The following BICRAL variants were observed in gnomAD, a reference collection of about 807,000 sequenced individuals.
The protein encoded by BICRAL is BRD4-interacting chromatin-remodeling complex-associated protein-like.
BICRAL carries 8 observed loss-of-function variants against 91.8 expected under a neutral mutation model. That is an observed-to-expected ratio of 0.09 (90% CI 0.05 to 0.16). The LOEUF (loss-of-function observed/expected upper bound fraction) is 0.16, where lower values mean the gene tolerates loss of function less well. BICRAL is among the 10% of genes least tolerant of loss of function. The pLI is 1.00. For missense variants in BICRAL, 1,038 were observed against 1,310.9 expected (o/e 0.79, Z 3.21); for synonymous variants, 445 against 491.1 (o/e 0.91, Z 1.24).
chr6:42,780,793 A>G (rs970350066), upstream of BICRAL, among the ~76,000 whole-genome samples: 6 of 152,030 alleles, frequency 3.9e-5, no homozygotes, highest in African/African-American at 7.3e-5. Flanking sequence ...GCTAGAGTGC[A>G]ATGCGCGATC....
intron 1 of BICRAL, among the ~76,000 whole-genome samples, chr6:42,760,907 A>C (rs942221692): frequency 1.3e-5 from 2 of 152,142 alleles, no homozygotes; most frequent in African/African-American, 4.8e-5. Flanking sequence ...CTGTAATCCC[A>C]GCTACTTGGG....
At chr6:42,844,350 A>C (rs1346359197) in intron 6 of BICRAL, among the ~76,000 whole-genome samples, 1 of 150,754 alleles carries the variant, frequency 6.6e-6, no homozygotes, top group African/African-American at 2.4e-5. Context: ...TCTACTAAAC[A>C]TACAAAAAAT....
At chr6:42,860,026 A>G (rs1452218290) in intron 10 of BICRAL, among the ~76,000 whole-genome samples, 2 of 152,158 alleles carry the variant, frequency 1.3e-5, no homozygotes, top group East Asian at 3.8e-4. Flanking sequence ...TTGGTTTCCT[A>G]GTTAAAGTTA....
At chr6:42,830,429 G>A (rs1764439663) in intron 6 of BICRAL, among the ~76,000 whole-genome samples, 1 of 152,032 alleles carries the variant, frequency 6.6e-6, no homozygotes, top group African/African-American at 2.4e-5. Flanking sequence ...AGCTGAGTGT[G>A]GTGGTGCACA....
intron 6 of BICRAL, among the ~76,000 whole-genome samples, 181 bp from the exon 7 acceptor site, chr6:42,851,911 A>G (rs1334305184): frequency 6.6e-6 from 1 of 152,192 alleles, no homozygotes; most frequent in Non-Finnish European, 1.5e-5. Context: ...GCAGATTGTT[A>G]AAGGATGTAC....
At chr6:42,758,595 A>G (rs1447382830) in intron 1 of BICRAL, among the ~76,000 whole-genome samples, 3 of 152,124 alleles carry the variant, frequency 2.0e-5, no homozygotes, top group African/African-American at 4.8e-5. Context: ...TACGATTTAC[A>G]CTACAATGGA....
At chr6:42,771,581 G>A (rs1477041394) in intron 1 of BICRAL, among the ~76,000 whole-genome samples, 2 of 152,112 alleles carry the variant, frequency 1.3e-5, no homozygotes, top group African/African-American at 4.8e-5. Flanking sequence ...CTAAGTAAGA[G>A]ATTTGTTTGC....
At chr6:42,764,895 G>A (rs539233489) in intron 1 of BICRAL, among the ~76,000 whole-genome samples, 1 of 152,242 alleles carries the variant, frequency 6.6e-6, no homozygotes, top group African/African-American at 2.4e-5. Context: ...TCCTGACCTT[G>A]TGATCCACCC....
In BICRAL at chr6:42,823,003, TGTGA is replaced by T. The variant is rs1764188131; in HGVS notation, c.159+3_159+6del. The T allele has an allele frequency of 6.3e-7, 1 of 1,582,982 alleles. No individual in the cohort carries two copies. The highest frequency in any genetic ancestry group is 8.7e-7 in the Non-Finnish European group (1 of 1,151,852). On this transcript the variant is annotated splice_donor_variant and splice_donor_region_variant and intron_variant, in intron 5 of 12. Coordinates refer to ENST00000314073, the MANE Select transcript of BICRAL (RefSeq NM_001393499.1). LOFTEE classifies it high-confidence loss of function. ...CAAATTCAATTTTCGCCAACTCTAGTGTGAGTATTGGAAACTAAATGCAATGATT... is the reference window on the plus strand; with the variant it reads ...CAAATTCAATTTTCGCCAACTCTAGTGTATTGGAAACTAAATGCAATGATT...
chr6:42,852,324 T>C (rs767068492), intron 7 of BICRAL, 127 bp downstream of exon 7: 1 of 721,192 alleles, frequency 1.4e-6, no homozygotes, highest in South Asian at 1.5e-5. Context: ...TTCCTTTCTT[T>C]CTGTATCCTT....
chr6:42,837,462 TC>T (rs1764674478), intron 6 of BICRAL, among the ~76,000 whole-genome samples: 1 of 151,626 alleles, frequency 6.6e-6, no homozygotes, highest in Admixed American at 6.6e-5. Context: ...GTTCAAAAAA[TC>T]AAATGGGGCC....
Position 42,790,330 on chromosome 6 carries a change from A to ATTTT in BICRAL, c.-102+8251_-102+8254dup, listed in dbSNP as rs70990136. On this transcript the variant is annotated intron_variant, in intron 1 of 12. Transcript: ENST00000314073. ...TGCAACACCATGCCCAGATAATTTA[A>ATTTT]TTTTTTTTTTTTTTTTTTTTTTTTT... Among the ~76,000 whole-genome samples, 528 of 87,786 alleles carry ATTTT rather than the reference A, an allele frequency of 6.0e-3. 1 individual carries two copies. Among genetic ancestry groups the ATTTT allele is most frequent in the Non-Finnish European group, 7.4e-3 (358 of 48,312 alleles). The allele number at this position is 87,786 out of a possible 152,430, so 57.6% of individuals were successfully genotyped here. A position where few individuals can be genotyped will look rare whatever the true frequency, so the allele number is the denominator to read the frequency against.
In BICRAL at chr6:42,829,692, G is replaced by C; in HGVS notation, c.1359G>C (p.Arg453Ser). The change falls in exon 6 of 13, where the codon AGG becomes AGC. Residue 453 changes from arginine (R) to serine (S), a missense_variant. Arg to Ser is a moderately radical substitution (Grantham distance 110). This residue lies in a region of BICRAL where 532 missense variants were observed against 724.9 expected (regional missense o/e 0.73). Transcript: ENST00000314073. Reference sequence around the variant, plus strand: ...ACAGAAACTCTTCCAACATGCTCAGGACCAACCAACCATATACTGGACCGA... The same window carrying C: ...ACAGAAACTCTTCCAACATGCTCAGCACCAACCAACCATATACTGGACCGA... ...MLNRNSSNMLRTNQPYTGPML... is the reference protein window; with the variant it reads ...MLNRNSSNMLSTNQPYTGPML... 2 of 1,614,128 alleles carry C rather than the reference G, an allele frequency of 1.2e-6. No homozygotes were observed.
intron 1 of BICRAL, among the ~76,000 whole-genome samples, chr6:42,809,060 TG>T (rs1431744638): frequency 2.6e-5 from 4 of 152,020 alleles, no homozygotes; most frequent in Non-Finnish European, 4.4e-5. Context: ...CTTTTTTTGT[TG>T]TTTTTTTAAT....
intron 1 of BICRAL, among the ~76,000 whole-genome samples, chr6:42,782,446 C>T (rs1156708489): frequency 1.7e-5 from 2 of 115,460 alleles, no homozygotes; most frequent in East Asian, 2.9e-4. Flanking sequence ...CCAGCGCTGC[C>T]GGGGCCCCGG....
chr6:42,862,563 G>C lies in BICRAL; in HGVS notation c.2403G>C (p.Glu801Asp). The C allele has an allele frequency of 6.2e-7, 1 of 1,612,706 alleles. No homozygotes were observed. Among genetic ancestry groups the C allele is most frequent in the South Asian group, 1.1e-5 (1 of 91,008 alleles). The change falls in exon 12 of 13, where the codon GAG becomes GAC. Residue 801 changes from glutamate to aspartate, a missense_variant. Around this residue, in one of 5 missense-constraint regions of BICRAL, gnomAD observed 294 missense variants for 292.6 expected, o/e 1.00. Coordinates refer to ENST00000314073, the MANE Select transcript of BICRAL (RefSeq NM_001393499.1). ...TGATCGATAGGATGTTCAACCAGGA[G>C]GAAAGAGCTTCCCTGTCCCGAGACA... ...MVMIDRMFNQ[E>D]ERASLSRDKR...
intron 6 of BICRAL, among the ~76,000 whole-genome samples, chr6:42,849,332 C>G (rs1765109567): frequency 6.6e-6 from 1 of 152,150 alleles, no homozygotes; most frequent in Non-Finnish European, 1.5e-5. Flanking sequence ...GTGATCCTCC[C>G]ACCTCAGCCT....
intron 1 of BICRAL, among the ~76,000 whole-genome samples, chr6:42,770,235 C>A (rs960313663): frequency 6.6e-6 from 1 of 150,896 alleles, no homozygotes; most frequent in Admixed American, 6.6e-5. Flanking sequence ...TTTTTGTTTT[C>A]TTTTGTTTTT....
chr6:42,781,549 T>C (rs1358407665), upstream of BICRAL, among the ~76,000 whole-genome samples: 4 of 140,392 alleles, frequency 2.8e-5, no homozygotes, highest in African/African-American at 5.2e-5. Context: ...TTTTTTTGTC[T>C]TTAATCTCCC....
Sources: allele counts gnomAD v4.1 joint callset (sites outside exome capture counted in the v4.1 genomes callset), GRCh38; gene constraint gnomAD v4.1.1; regional missense constraint gnomAD v4.1.1; transcripts MANE v1.5; gene names NCBI Gene and HGNC (gene_info 2026-07-23, HGNC 2026-07-21).